TFDP2: variants seen among roughly 807,000 people sequenced by gnomAD.
The protein encoded by TFDP2 is transcription factor Dp-2, also known as transcription factor Dp-2 (E2F dimerization partner 2).
TFDP2 carries 17 observed loss-of-function variants against 59.3 expected under a neutral mutation model. The observed-to-expected ratio is 0.29, with a 90% confidence interval of 0.20 to 0.43. TFDP2 has a LOEUF of 0.43. Among genes scored for constraint, TFDP2 ranks in the 20% least tolerant of loss-of-function variants. The pLI, the probability that TFDP2 is intolerant of heterozygous loss-of-function variation, is 1.00. For synonymous variants in TFDP2, 180 were observed against 194.7 expected (o/e 0.92, Z 0.63); for missense variants, 391 against 528.8 (o/e 0.74, Z 2.56).
Position 141,967,294 on chromosome 3 carries a change from TG to T in TFDP2, c.732+2778del, listed in dbSNP as rs370991403. Among the ~76,000 whole-genome samples, 21 of 149,338 alleles carry T rather than the reference TG, an allele frequency of 1.4e-4. 1 individual carries two copies. Among genetic ancestry groups the T allele is most frequent in the East Asian group, 4.0e-4 (2 of 4,966 alleles). Reference sequence around the variant, plus strand: ...AAATGCTAGGAGGAAATAAGTTTTTTGTTTTTTTTTTTTTTGAGACAGAGTT... The same window carrying T: ...AAATGCTAGGAGGAAATAAGTTTTTTTTTTTTTTTTTTTTGAGACAGAGTT... On this transcript the variant is annotated intron_variant, in intron 9 of 12. Coordinates refer to ENST00000489671, the MANE Select transcript of TFDP2 (RefSeq NM_001178139.2).
intron 3 of TFDP2, among the ~76,000 whole-genome samples, chr3:142,092,547 G>A (rs2061029698): frequency 6.6e-6 from 1 of 151,982 alleles, no homozygotes; most frequent in Non-Finnish European, 1.5e-5. Context: ...TCAAACTCCT[G>A]GGCTCAAGTG....
intron 1 of TFDP2, among the ~76,000 whole-genome samples, chr3:142,109,306 C>T (rs546144980): frequency 2.6e-5 from 4 of 151,932 alleles, no homozygotes; most frequent in African/African-American, 7.2e-5. Flanking sequence ...TTTAACACAT[C>T]ACACATCTGA....
At chr3:142,053,140 A>G (rs1947730430) in intron 3 of TFDP2, among the ~76,000 whole-genome samples, 1 of 152,112 alleles carries the variant, frequency 6.6e-6, no homozygotes, top group Non-Finnish European at 1.5e-5. Flanking sequence ...AAGAACCACA[A>G]ACTATCTTTT....
At chr3:142,030,438 C>A (rs191229628) in intron 3 of TFDP2, among the ~76,000 whole-genome samples, 9 of 152,302 alleles carry the variant, frequency 5.9e-5, no homozygotes, top group African/African-American at 2.2e-4. Context: ...GGAAATTACA[C>A]AGAATCTGAT....
chr3:141,980,048 A>G, intron 6 of TFDP2, among the ~76,000 whole-genome samples: 1 of 151,312 alleles, frequency 6.6e-6, no homozygotes, highest in East Asian at 1.9e-4. Flanking sequence ...AGTTAGAATT[A>G]CAGGTGCATG....
intron 7 of TFDP2, among the ~76,000 whole-genome samples, chr3:141,976,792 C>G (rs565566165): frequency 1.5e-4 from 22 of 149,620 alleles, no homozygotes; most frequent in African/African-American, 5.2e-4. Context: ...CTTTTTTTTT[C>G]AAGTGCCTAG....
At chr3:142,081,828 C>A (rs1185803698) in intron 3 of TFDP2, among the ~76,000 whole-genome samples, 2 of 152,112 alleles carry the variant, frequency 1.3e-5, no homozygotes. Context: ...AAGATTGAAG[C>A]AGTAATAAAA....
At position 142,070,311 on chromosome 3, in the gene TFDP2, C is replaced by T. The variant is rs534586067; in HGVS notation, c.82+22750G>A. The stretch of plus-strand genomic sequence containing the variant: ...TTTATTTTTTTGAGACAGGGTCACC[C>T]AGGCTGGAGTACAAGTACAATGGCA... On this transcript the variant is annotated intron_variant, in intron 3 of 12. Transcript: ENST00000489671. 2.6e-5 allele frequency among the ~76,000 whole-genome samples: 4 copies of T among 152,176 alleles called. No individual in the cohort carries two copies. The South Asian group carries it at 8.3e-4, about 32-fold the overall frequency.
intron 1 of TFDP2, among the ~76,000 whole-genome samples, chr3:142,129,185 T>A: frequency 6.6e-6 from 1 of 150,910 alleles, no homozygotes; most frequent in South Asian, 2.1e-4. Flanking sequence ...AGTGCAAGAA[T>A]GGACAGGGGA....
intron 3 of TFDP2, among the ~76,000 whole-genome samples, chr3:142,031,629 A>G (rs1334685712): frequency 6.6e-6 from 1 of 152,224 alleles, no homozygotes; most frequent in Non-Finnish European, 1.5e-5. Context: ...CCTTAATCTT[A>G]TGTAGAAAAT....
At chr3:142,135,711 A>G (rs2062701707) in intron 1 of TFDP2, among the ~76,000 whole-genome samples, 1 of 152,034 alleles carries the variant, frequency 6.6e-6, no homozygotes, top group South Asian at 2.1e-4. Context: ...AGCTTCATCC[A>G]TGTCCCTGCA....
At chr3:142,022,750 A>C (rs1232446711) in intron 3 of TFDP2, among the ~76,000 whole-genome samples, 1 of 152,182 alleles carries the variant, frequency 6.6e-6, no homozygotes, top group African/African-American at 2.4e-5. Flanking sequence ...AAATCCTTTT[A>C]AATTTACAGT....
chr3:141,963,221 T>C (rs1043858627), intron 10 of TFDP2, among the ~76,000 whole-genome samples: 11 of 152,204 alleles, frequency 7.2e-5, no homozygotes, highest in African/African-American at 2.4e-4. Context: ...AAATTAATTC[T>C]ATATTTTGAA....
At position 142,011,370 on chromosome 3, in the gene TFDP2, C is replaced by T. The variant is rs192978519; in HGVS notation, c.83-5826G>A. On this transcript the variant is annotated intron_variant, in intron 3 of 12. Transcript: ENST00000489671. ...AAACCAAACACCGCATATTCTCACT[C>T]ATAGGTGGGAATTGAATATTGAGAT... 7.3e-3 allele frequency among the ~76,000 whole-genome samples: 1,016 copies of T among 138,700 alleles called. 13 individuals carry two copies. The highest frequency in any genetic ancestry group is 0.026 in the African/African-American group (967 of 37,454). The allele number at this position is 138,700 out of a possible 152,430, so 91.0% of individuals were successfully genotyped here.
At chr3:142,006,552 T>A (rs186976507) in intron 3 of TFDP2, among the ~76,000 whole-genome samples, 10 of 149,832 alleles carry the variant, frequency 6.7e-5, no homozygotes, top group African/African-American at 2.5e-4. Flanking sequence ...CACTACAGGC[T>A]CAAACTCCAG....
intron 3 of TFDP2, among the ~76,000 whole-genome samples, chr3:142,023,398 CCAGGCTGGTCTCGAACTCCTGACCT>C (rs1349271913): frequency 6.6e-6 from 1 of 151,166 alleles, no homozygotes; most frequent in African/African-American, 2.4e-5. Flanking sequence ...GCCATGTTGT[CCAGGCTGGTCTCGAACTCCTGACCT>C]CAAGTGATCC....
intron 1 of TFDP2, among the ~76,000 whole-genome samples, chr3:142,135,412 T>A (rs867543696): frequency 2.6e-5 from 4 of 152,142 alleles, no homozygotes; most frequent in African/African-American, 4.8e-5. Context: ...TTTTCTTTTT[T>A]ATTATTATTA....
Position 142,121,337 on chromosome 3 carries a change from T to C in TFDP2, c.-92-19496A>G, listed in dbSNP as rs983754391. 6.6e-6 allele frequency among the ~76,000 whole-genome samples: 1 copy of C among 152,142 alleles called. No individual in the cohort carries two copies. Among genetic ancestry groups the C allele is most frequent in the Non-Finnish European group, 1.5e-5 (1 of 68,024 alleles). On this transcript the variant is annotated intron_variant, in intron 1 of 12. Coordinates refer to ENST00000489671, the MANE Select transcript of TFDP2 (RefSeq NM_001178139.2). The surrounding 1 kb of genome is among the most constrained non-coding windows in gnomAD (Gnocchi z 4.3). ...CAAACAAATGAGCAAGACAAATGCA[T>C]ACAGTATAACATGCTAAAATACTAC...
At chr3:141,958,026 G>A (rs1936908089) in intron 11 of TFDP2, among the ~76,000 whole-genome samples, 2 of 152,124 alleles carry the variant, frequency 1.3e-5, no homozygotes, top group Admixed American at 6.6e-5. Flanking sequence ...AGACCCACCT[G>A]ATTAGGAAAA....
Sources: allele counts gnomAD v4.1 joint callset (sites outside exome capture counted in the v4.1 genomes callset), GRCh38; gene constraint gnomAD v4.1.1; non-coding constraint Gnocchi (gnomAD v3.1); transcripts MANE v1.5; gene names NCBI Gene and HGNC (gene_info 2026-07-23, HGNC 2026-07-21).